Variants in OTOF observed in about 807,000 individuals in gnomAD.
The protein encoded by OTOF is fer-1-like family member 2.
A neutral mutation model predicts 236.8 loss-of-function variants in OTOF; 218 were observed. That is an observed-to-expected ratio of 0.92 (90% CI 0.82 to 1.03). OTOF has a LOEUF of 1.03. Among genes scored for constraint, OTOF ranks in the 50% least tolerant of loss-of-function variants. The probability of loss-of-function intolerance (pLI) is 0.00; values close to 1 mark genes in which losing one functional copy is unlikely to be tolerated. For missense variants in OTOF, 2,590 were observed against 2,694.4 expected (o/e 0.96, Z 0.86); for synonymous variants, 1,041 against 1,072.5 (o/e 0.97, Z 0.57).
intron 5 of OTOF, among the ~76,000 whole-genome samples, chr2:26,506,157 G>A (rs1024500653): frequency 6.6e-6 from 1 of 152,156 alleles, no homozygotes; most frequent in African/African-American, 2.4e-5. Context: ...TGTAGTTTTT[G>A]TGGGCCTCCT....
In OTOF at chr2:26,477,098, T is replaced by C; in HGVS notation, c.2524-55A>G. The C allele has an allele frequency of 6.5e-7, 1 of 1,549,666 alleles. No individual in the cohort carries two copies. The highest frequency in any genetic ancestry group is 8.8e-7 in the Non-Finnish European group (1 of 1,136,690). On this transcript the variant is annotated intron_variant, in intron 21 of 46. Coordinates refer to ENST00000272371, the MANE Select transcript of OTOF (RefSeq NM_194248.3). This position sits in a 1 kb window ranked among gnomAD's most constrained non-coding sequence, Gnocchi z 4.7. ...GGGTAAGGGGGTCTAGCCTCCTGATTGAGCCCCCTGATCCTGAGGGGCCCC... is the reference window on the plus strand; with the variant it reads ...GGGTAAGGGGGTCTAGCCTCCTGATCGAGCCCCCTGATCCTGAGGGGCCCC...
At chr2:26,539,073 A>C (rs912573735) in intron 1 of OTOF, among the ~76,000 whole-genome samples, 6 of 152,086 alleles carry the variant, frequency 3.9e-5, no homozygotes, top group Non-Finnish European at 1.5e-5. Context: ...TTGGTCTCCC[A>C]AAGTGCTGGG....
chr2:26,519,196 G>T, intron 3 of OTOF, 87 bp from the exon 4 acceptor site: 1 of 921,620 alleles, frequency 1.1e-6, no homozygotes. Context: ...GTGACTGCTT[G>T]GGGAGGACTC....
intron 1 of OTOF, 81 bp from the exon 2 acceptor site, chr2:26,537,855 G>A: frequency 9.4e-7 from 1 of 1,061,362 alleles, no homozygotes; most frequent in Middle Eastern, 2.0e-4. Context: ...CATCCTGGGA[G>A]TCGTCCTAAC....
chr2:26,540,540 T>A lies in OTOF; in HGVS notation c.80-2766A>T, dbSNP rs865999517. ...TCCCTCCGGGAACTGACCTCTCTCC[T>A]CTGTCAGTGGTGGCCTCATCTGTTT... On this transcript the variant is annotated intron_variant, in intron 1 of 46. Transcript: ENST00000272371. Among the ~76,000 whole-genome samples the A allele has an allele frequency of 2.0e-5, 3 of 152,330 alleles. No homozygotes were observed. The South Asian group carries it at 6.2e-4, about 32-fold the overall frequency.
Position 26,483,531 on chromosome 2 carries a change from C to G in OTOF, c.1323G>C (p.Lys441Asn), listed in dbSNP as rs2148060480. ...CCTTGTTTTCACCGATGAAAGCCTT[C>G]TTTACATTGGCCATGAGGCTTGTGT... The part of the protein sequence containing the change: ...RMNTSLMANV[K>N]KAFIGENKDL... Residue 441 changes from lysine to asparagine, a missense_variant, in exon 13 of 47, where the codon AAG becomes AAC. By Grantham distance (94) the Lys-to-Asn change is moderately conservative. This residue lies in a region of OTOF where 1,379 missense variants were observed against 1,341.6 expected (regional missense o/e 1.03). Coordinates refer to ENST00000272371, the MANE Select transcript of OTOF (RefSeq NM_194248.3). The G allele has an allele frequency of 1.2e-6, 2 of 1,614,032 alleles. No homozygotes were observed. The highest frequency in any genetic ancestry group is 3.3e-4 in the Middle Eastern group (2 of 6,044).
chr2:26,472,435 C>G, intron 30 of OTOF, 84 bp downstream of exon 30: 1 of 1,559,490 alleles, frequency 6.4e-7, no homozygotes, highest in Non-Finnish European at 8.8e-7. Context: ...CCTTTTCTCT[C>G]GGGGCAGATA....
chr2:26,489,889 A>C, intron 9 of OTOF, 149 bp from the exon 10 acceptor site: 1 of 711,328 alleles, frequency 1.4e-6, no homozygotes, highest in South Asian at 1.5e-5. Flanking sequence ...GAGGCAACTC[A>C]TCTGATCCTG....
In OTOF at chr2:26,479,506, G is replaced by A. The variant is rs766858052; in HGVS notation, c.2060C>T (p.Ser687Phe). 2.5e-6 allele frequency: 4 copies of A among 1,603,080 alleles called. No individual in the cohort carries two copies. The highest frequency in any genetic ancestry group is 3.5e-5 in the Admixed American group (2 of 57,966). The change falls in exon 17 of 47, where the codon TCC becomes TTC. Residue 687 changes from serine (S) to phenylalanine (F), a missense_variant. Ser to Phe is a radical substitution (Grantham distance 155, BLOSUM62 -2). Around this residue, in one of 2 missense-constraint regions of OTOF, gnomAD observed 1,379 missense variants for 1,341.6 expected, o/e 1.03. Transcript: ENST00000272371. ...GACCTGGGGCCGCATTGGTGGAGTG[G>A]AGGAGACTGAGGCCAGGTCCCCGGC... is the stretch of plus-strand genomic sequence containing the variant. ...GDAGDLASVS[S>F]TPPMRPQVTD...
chr2:26,464,908 G>C lies in OTOF; in HGVS notation c.4921C>G (p.Arg1641Gly). Residue 1641 changes from arginine to glycine, a missense_variant, in exon 39 of 47, where the codon CGC (arginine) becomes GGC (glycine). Arg to Gly is a moderately radical substitution (Grantham distance 125, BLOSUM62 -2). This residue lies in a region of OTOF where 1,211 missense variants were observed against 1,352.8 expected (regional missense o/e 0.90). Coordinates refer to ENST00000272371, the MANE Select transcript of OTOF (RefSeq NM_194248.3). ...GPPGRVKVANRVFTGPSEIED... is the reference protein window; with the variant it reads ...GPPGRVKVANGVFTGPSEIED... Reference sequence around the variant, plus strand: ...ATCTCAGAGGGCCCAGTGAAGACGCGGTTGGCCACCTTCACTCTCCCAGGG... The same window carrying C: ...ATCTCAGAGGGCCCAGTGAAGACGCCGTTGGCCACCTTCACTCTCCCAGGG... 2 of 1,597,548 alleles carry C rather than the reference G, an allele frequency of 1.3e-6. No homozygotes were observed. Among genetic ancestry groups the C allele is most frequent in the East Asian group, 4.5e-5 (2 of 44,152 alleles).
intron 1 of OTOF, among the ~76,000 whole-genome samples, chr2:26,555,394 C>T (rs1667560630): frequency 6.6e-6 from 1 of 152,194 alleles, no homozygotes; most frequent in Non-Finnish European, 1.5e-5. Flanking sequence ...AGGCTGGCCC[C>T]TTCACCTCAG....
Position 26,527,943 on chromosome 2 carries a change from G to T in OTOF, c.139-23C>A, listed in dbSNP as rs201719818. 1.9e-5 allele frequency: 30 copies of T among 1,566,678 alleles called. 1 individual carries two copies. In the South Asian group the frequency reaches 3.0e-4, roughly 16 times the overall value. ...TGTCTGGGGAGAGAGGGACAACTGC[G>T]GCTTCGGTGGCAATAACAGGTAGGA... is the stretch of plus-strand genomic sequence containing the variant. On this transcript the variant is annotated intron_variant, in intron 2 of 46. Coordinates refer to ENST00000272371, the MANE Select transcript of OTOF (RefSeq NM_194248.3).
Position 26,464,025 on chromosome 2 carries a change from A to T in OTOF, c.5042T>A (p.Leu1681Gln). 1 of 1,613,724 alleles carries T rather than the reference A, an allele frequency of 6.2e-7. No individual in the cohort carries two copies. Among genetic ancestry groups the T allele is most frequent in the Non-Finnish European group, 8.5e-7 (1 of 1,180,022 alleles). Residue 1681 changes from leucine (L) to glutamine (Q), a missense_variant, in exon 40 of 47, where the codon CTG becomes CAG. Around this residue, in one of 2 missense-constraint regions of OTOF, gnomAD observed 1,211 missense variants for 1,352.8 expected, o/e 0.90. Coordinates refer to ENST00000272371, the MANE Select transcript of OTOF (RefSeq NM_194248.3). The part of the protein sequence containing the change: ...WEDIPRAGCR[L>Q]VPEHVETRPL... ...CCTCGTCTCCACATGCTCTGGCACC[A>T]GGCGGCAGCCTGCGCGGGGGATGTC...
intron 32 of OTOF, among the ~76,000 whole-genome samples, chr2:26,469,502 A>T (rs1664884226): frequency 6.6e-6 from 1 of 152,232 alleles, no homozygotes; most frequent in South Asian, 2.1e-4. Flanking sequence ...AAGGGACTAG[A>T]TTCTGATCAA....
At chr2:26,526,537 A>C (rs1666810016) in intron 3 of OTOF, among the ~76,000 whole-genome samples, 1 of 152,182 alleles carries the variant, frequency 6.6e-6, no homozygotes, top group East Asian at 1.9e-4. Context: ...ATGGATGAAT[A>C]TGTCCTCTAT....
chr2:26,541,762 C>G (rs1290479362), intron 1 of OTOF, among the ~76,000 whole-genome samples: 1 of 152,226 alleles, frequency 6.6e-6, no homozygotes, highest in Admixed American at 6.5e-5. Context: ...TTACAAATCC[C>G]AATATCCAAT....
Position 26,461,951 on chromosome 2 carries a change from A to ATC in OTOF, c.5292-16_5292-15dup. On this transcript the variant is annotated splice_polypyrimidine_tract_variant and intron_variant, in intron 42 of 46. Transcript: ENST00000272371. The surrounding 1 kb of genome is among the most constrained non-coding windows in gnomAD (Gnocchi z 6.2). ...CCCTTCAGCCACCTGTGGGCGCCAC[A>ATC]TCTCCAGACCCGCAGCCAGGCTGGT... 1 of 1,613,774 alleles carries ATC rather than the reference A, an allele frequency of 6.2e-7. No homozygotes were observed. The highest frequency in any genetic ancestry group is 8.5e-7 in the Non-Finnish European group (1 of 1,179,956).
chr2:26,553,450 G>A (rs1172850469), intron 1 of OTOF, among the ~76,000 whole-genome samples: 1 of 152,096 alleles, frequency 6.6e-6, no homozygotes. Flanking sequence ...CGTCTCTGTA[G>A]CTCTAAGTAA....
intron 5 of OTOF, among the ~76,000 whole-genome samples, chr2:26,511,272 C>T (rs186085446): frequency 1.0e-3 from 152 of 152,238 alleles, no homozygotes; most frequent in African/African-American, 3.5e-3. Context: ...GGCTGGGGGT[C>T]CTGCTATGGA....
Sources: gnomAD v4.1 joint callset for allele counts (sites outside exome capture counted in the v4.1 genomes callset) on GRCh38, gnomAD v4.1.1 for gene constraint, gnomAD v4.1.1 regional missense constraint, Gnocchi (gnomAD v3.1) non-coding constraint, MANE v1.5 for transcripts, NCBI Gene and HGNC (gene_info 2026-07-23, HGNC 2026-07-21) for gene names.